GNAI3: variants seen among roughly 807,000 people sequenced by gnomAD.
GNAI3 encodes the protein G protein subunit alpha i3, also known as guanine nucleotide-binding protein G(i) subunit alpha-3.
In GNAI3, 12 loss-of-function variants were observed where a neutral mutation model predicts 41.8. The observed-to-expected ratio is 0.29, with a 90% CI of 0.18 to 0.47. GNAI3 has a LOEUF of 0.47. Ranked by LOEUF, GNAI3 falls within the 20% of genes least tolerant of loss-of-function variation. The pLI is 1.00. For synonymous variants in GNAI3, 132 were observed against 146.5 expected (o/e 0.90, Z 0.71); for missense variants, 360 against 429.6 (o/e 0.84, Z 1.43).
chr1:109,555,576 C>T (rs1017159275), intron 1 of GNAI3, among the ~76,000 whole-genome samples: 1 of 152,066 alleles, frequency 6.6e-6, no homozygotes, highest in Non-Finnish European at 1.5e-5. Flanking sequence ...TCCTGTAGTA[C>T]ACTGATGGCC....
In GNAI3 at chr1:109,598,654, G is replaced by T. The variant is rs559991396; in HGVS notation, c.*6332G>T. ...TGAACTATAAATTGCTCTAAAATTCGTGAAGCAGGGTGAAAAGGTCTTTGC... is the reference window on the plus strand; with the variant it reads ...TGAACTATAAATTGCTCTAAAATTCTTGAAGCAGGGTGAAAAGGTCTTTGC... On this transcript the variant is annotated 3_prime_UTR_variant, in exon 9 of 9. Transcript: ENST00000369851. 1.4e-5 allele frequency: 3 copies of T among 217,874 alleles called. No individual in the cohort carries two copies. The highest frequency in any genetic ancestry group is 2.9e-5 in the Non-Finnish European group (3 of 102,254). The allele number at this position is 217,874 out of a possible 1,614,324, so 13.5% of individuals were successfully genotyped here.
At position 109,597,116 on chromosome 1, in the gene GNAI3, T is replaced by C. The variant is rs1252420440; in HGVS notation, c.*4794T>C. 1 of 152,238 alleles carries C rather than the reference T, an allele frequency of 6.6e-6. No individual in the cohort carries two copies. Among genetic ancestry groups the C allele is most frequent in the African/African-American group, 2.4e-5 (1 of 41,462 alleles). The allele number at this position is 152,238 out of a possible 1,614,324, so 9.4% of individuals were successfully genotyped here. ...TTGTTACCCAAAAAGCTTTTGATTT[T>C]GGAGCATTTTAGATTTTGGATTTTC... is the stretch of plus-strand genomic sequence containing the variant. On this transcript the variant is annotated 3_prime_UTR_variant, in exon 9 of 9. Coordinates refer to ENST00000369851, the MANE Select transcript of GNAI3 (RefSeq NM_006496.4).
intron 1 of GNAI3, among the ~76,000 whole-genome samples, chr1:109,556,211 TTGGCTAATTTTTTGTAGAGA>T (rs1648148052): frequency 1.3e-5 from 2 of 152,008 alleles, no homozygotes; most frequent in African/African-American, 4.8e-5. Context: ...GCCACCACCG[TTGGCTAATTTTTTGTAGAGA>T]TGGGGTTTTG....
chr1:109,565,014 G>A (rs1004304350), intron 1 of GNAI3, among the ~76,000 whole-genome samples: 4 of 152,028 alleles, frequency 2.6e-5, no homozygotes, highest in African/African-American at 9.7e-5. Flanking sequence ...TGTAATCCTA[G>A]CACTTTGGGA....
At chr1:109,576,122 G>GTT (rs1648736777) in intron 3 of GNAI3, among the ~76,000 whole-genome samples, 2 of 152,178 alleles carry the variant, frequency 1.3e-5, no homozygotes, top group Non-Finnish European at 2.9e-5. Context: ...AGGCTGGAGT[G>GTT]TAACGGTACG....
intron 1 of GNAI3, among the ~76,000 whole-genome samples, chr1:109,573,099 A>G (rs1185187972): frequency 6.6e-6 from 1 of 152,132 alleles, no homozygotes; most frequent in Non-Finnish European, 1.5e-5. Context: ...ATCTTGGAAG[A>G]TAGGAAAATG....
rs1649195365 is a variant in GNAI3 at position 109,592,428 on chromosome 1, C to T, written c.*106C>T. On this transcript the variant is annotated 3_prime_UTR_variant, in exon 9 of 9. Transcript: ENST00000369851. Reference sequence around the variant, plus strand: ...AAGCATGAACGGGACCAGGGAATGGCAGCAGCATGCAGAATCTTAGCACTC... The same window carrying T: ...AAGCATGAACGGGACCAGGGAATGGTAGCAGCATGCAGAATCTTAGCACTC... 2.2e-6 allele frequency: 1 copy of T among 460,522 alleles called. No homozygotes were observed. Among genetic ancestry groups the T allele is most frequent in the Non-Finnish European group, 3.9e-6 (1 of 254,472 alleles). 28.5% of individuals were successfully genotyped at this position (460,522 alleles called of 1,614,324 possible).
At position 109,593,455 on chromosome 1, in the gene GNAI3, G is replaced by A. The variant is rs1341559768; in HGVS notation, c.*1133G>A. 1 of 152,614 alleles carries A rather than the reference G, an allele frequency of 6.6e-6. No homozygotes were observed. The highest frequency in any genetic ancestry group is 2.4e-5 in the African/African-American group (1 of 41,448). 9.5% of individuals were successfully genotyped at this position (152,614 alleles called of 1,614,324 possible). ...TTGGGACTTTTTTCCACTTTGTCAT[G>A]TGTACATTTTTAATCTGTTATAGTT... On this transcript the variant is annotated 3_prime_UTR_variant, in exon 9 of 9. Transcript: ENST00000369851.
At position 109,592,208 on chromosome 1, in the gene GNAI3, A is replaced by G. The variant is rs1649190568; in HGVS notation, c.1040A>G (p.Asn347Ser). Reference sequence around the variant, plus strand: ...GTTACAGATGTCATCATTAAAAACAACTTAAAGGAATGTGGACTTTATTGA... The same window carrying G: ...GTTACAGATGTCATCATTAAAAACAGCTTAAAGGAATGTGGACTTTATTGA... ...DAVTDVIIKN[N>S]LKECGLY The change falls in exon 8 of 9, where the codon AAC (asparagine) becomes AGC (serine). Residue 347 changes from asparagine to serine, a missense_variant. Asn to Ser is a conservative substitution (Grantham distance 46). Coordinates refer to ENST00000369851, the MANE Select transcript of GNAI3 (RefSeq NM_006496.4). The G allele has an allele frequency of 1.2e-6, 2 of 1,612,218 alleles. No homozygotes were observed. The highest frequency in any genetic ancestry group is 1.3e-5 in the African/African-American group (1 of 74,908).
chr1:109,554,062 T>A (rs1648075972), intron 1 of GNAI3, among the ~76,000 whole-genome samples: 1 of 143,154 alleles, frequency 7.0e-6, no homozygotes, highest in Non-Finnish European at 1.5e-5. Flanking sequence ...CTGAGTAGTG[T>A]TCCATGGGTG....
Position 109,592,208 on chromosome 1 carries a change from AC to A in GNAI3, c.1041del (p.Leu348Ter). 6.2e-7 allele frequency: 1 copy of A among 1,612,336 alleles called. No individual in the cohort carries two copies. Among genetic ancestry groups the A allele is most frequent in the Non-Finnish European group, 8.5e-7 (1 of 1,178,412 alleles). On this transcript the variant is annotated frameshift_variant, in exon 8 of 9. Transcript: ENST00000369851. LOFTEE classifies it high-confidence loss of function. Reference protein sequence around the residue: ...DAVTDVIIKNNLKECGLY With the variant: ...DAVTDVIIKNXLKECGLY ...GTTACAGATGTCATCATTAAAAACA[AC>A]TTAAAGGAATGTGGACTTTATTGAG... is the stretch of plus-strand genomic sequence containing the variant.
Position 109,599,328 on chromosome 1 carries a change from C to T in GNAI3, c.*7006C>T, listed in dbSNP as rs1264061147. On this transcript the variant is annotated 3_prime_UTR_variant, in exon 9 of 9. Coordinates refer to ENST00000369851, the MANE Select transcript of GNAI3 (RefSeq NM_006496.4). ...CACACTGTTGCACAGCCATCACCAC[C>T]ATCCATTTCCAGAACTTGTTTTCAT... The T allele has an allele frequency of 6.5e-6, 1 of 154,276 alleles. No homozygotes were observed. The highest frequency in any genetic ancestry group is 1.4e-5 in the Non-Finnish European group (1 of 69,392). The allele number at this position is 154,276 out of a possible 1,614,324, so 9.6% of individuals were successfully genotyped here. A position where few individuals can be genotyped will look rare whatever the true frequency, so the allele number is the denominator to read the frequency against.
chr1:109,594,522 T>C lies in GNAI3; in HGVS notation c.*2200T>C, dbSNP rs1020008451. 10 of 152,308 alleles carry C rather than the reference T, an allele frequency of 6.6e-5. No individual in the cohort carries two copies. Among genetic ancestry groups the C allele is most frequent in the South Asian group, 2.1e-4 (1 of 4,828 alleles). The allele number at this position is 152,308 out of a possible 1,614,324, so 9.4% of individuals were successfully genotyped here. Reference sequence around the variant, plus strand: ...TTATTTCACCATCCCAAATAACTTATCTAAATGCACATTCCTTGAGGACAC... The same window carrying C: ...TTATTTCACCATCCCAAATAACTTACCTAAATGCACATTCCTTGAGGACAC... On this transcript the variant is annotated 3_prime_UTR_variant, in exon 9 of 9. Transcript: ENST00000369851.
intron 1 of GNAI3, among the ~76,000 whole-genome samples, chr1:109,559,415 G>T (rs1377250942): frequency 1.3e-5 from 2 of 152,138 alleles, no homozygotes; most frequent in African/African-American, 4.8e-5. Flanking sequence ...CCTTATCACT[G>T]AGCTTCATTT....
chr1:109,576,502 G>T (rs1238105286), intron 3 of GNAI3, among the ~76,000 whole-genome samples: 2 of 144,416 alleles, frequency 1.4e-5, no homozygotes, highest in African/African-American at 5.0e-5. Flanking sequence ...GGCCTCTTCT[G>T]TTTTTTTTTT....
intron 4 of GNAI3, 39 bp from the exon 5 acceptor site, chr1:109,582,398 T>C (rs1571160468): frequency 1.9e-6 from 3 of 1,566,674 alleles, no homozygotes; most frequent in East Asian, 2.2e-5. Flanking sequence ...TGCACATGGT[T>C]GGCTTCACCA....
intron 3 of GNAI3, among the ~76,000 whole-genome samples, chr1:109,575,570 T>C (rs1297437496): frequency 8.4e-6 from 1 of 118,742 alleles, no homozygotes; most frequent in Non-Finnish European, 1.6e-5. Context: ...GGAGACGGAC[T>C]CTCGCCCTGT....
Position 109,591,688 on chromosome 1 carries a change from C to G in GNAI3, c.875-355C>G, listed in dbSNP as rs117073123. ...AAGATCACTCCAAGGAACACAGCCTCTCTCAGACCTTTTAAGCAGTTGTGT... is the reference window on the plus strand; with the variant it reads ...AAGATCACTCCAAGGAACACAGCCTGTCTCAGACCTTTTAAGCAGTTGTGT... On this transcript the variant is annotated intron_variant, in intron 7 of 8. Transcript: ENST00000369851. 3.0e-3 allele frequency: 1,161 copies of G among 391,528 alleles called. 26 individuals carry two copies. In the East Asian group the frequency reaches 0.043, roughly 15 times the overall value. 24.3% of individuals were successfully genotyped at this position (391,528 alleles called of 1,614,324 possible).
intron 4 of GNAI3, among the ~76,000 whole-genome samples, 183 bp from the exon 5 acceptor site, chr1:109,582,254 G>A (rs563268709): frequency 2.0e-4 from 30 of 152,302 alleles, no homozygotes; most frequent in African/African-American, 7.0e-4. Flanking sequence ...GCCTCCCAGA[G>A]TGTTGGGATT....
Sources: allele counts gnomAD v4.1 joint callset (sites outside exome capture counted in the v4.1 genomes callset), GRCh38; gene constraint gnomAD v4.1.1; transcripts MANE v1.5; gene names NCBI Gene and HGNC (gene_info 2026-07-23, HGNC 2026-07-21).